LOC128462377: variants seen among roughly 807,000 people sequenced by gnomAD.
chr16:89,324,434 T>G, the LOC128462377 span: 2 of 467,426 alleles, frequency 4.3e-6, no homozygotes, highest in Non-Finnish European at 8.4e-6. Flanking sequence ...AAAACCAAGG[T>G]AAGTGTGAGG....
the LOC128462377 span, among the ~76,000 whole-genome samples, chr16:89,368,394 T>G: frequency 7.0e-6 from 1 of 141,912 alleles, no homozygotes; most frequent in African/African-American, 2.6e-5. Context: ...TTTTTTTTTT[T>G]TTTTTTTTAG....
the LOC128462377 span, among the ~76,000 whole-genome samples, chr16:89,378,845 T>G: frequency 6.6e-6 from 1 of 152,092 alleles, no homozygotes; most frequent in Non-Finnish European, 1.5e-5. Context: ...TTTATCCATG[T>G]TTTAAGGGGT....
At chr16:89,321,214 C>G in the LOC128462377 span, 3 of 152,316 alleles carry the variant, frequency 2.0e-5, no homozygotes, top group Non-Finnish European at 4.4e-5. Flanking sequence ...AGTGGTTACA[C>G]TGACTACGGC....
At chr16:89,344,745 C>T in the LOC128462377 span, among the ~76,000 whole-genome samples, 4 of 147,620 alleles carry the variant, frequency 2.7e-5, no homozygotes, top group African/African-American at 1.1e-4. Context: ...GGGAGCACAG[C>T]GGAGGGCACG....
the LOC128462377 span, among the ~76,000 whole-genome samples, chr16:89,414,121 C>A: frequency 6.6e-6 from 1 of 152,226 alleles, no homozygotes; most frequent in Non-Finnish European, 1.5e-5. Context: ...GGCGCACGAT[C>A]GCACCTGCCT....
the LOC128462377 span, among the ~76,000 whole-genome samples, chr16:89,391,957 G>A: frequency 2.0e-5 from 3 of 152,152 alleles, no homozygotes; most frequent in African/African-American, 4.8e-5. Context: ...ATTAGGTCAC[G>A]GCCTGTTCCT....
the LOC128462377 span, among the ~76,000 whole-genome samples, chr16:89,415,621 C>T: frequency 7.8e-4 from 118 of 151,260 alleles, no homozygotes; most frequent in Non-Finnish European, 1.6e-3. Flanking sequence ...GGAGAACAGG[C>T]ATTCAAGACC....
the LOC128462377 span, among the ~76,000 whole-genome samples, chr16:89,353,876 AGCAGCCTCT>A: frequency 1.3e-5 from 2 of 152,248 alleles, no homozygotes; most frequent in South Asian, 4.1e-4. Context: ...AACAAGACAG[AGCAGCCTCT>A]GCAGCCTCTC....
chr16:89,397,036 T>TA, the LOC128462377 span, among the ~76,000 whole-genome samples: 7 of 152,026 alleles, frequency 4.6e-5, no homozygotes, highest in African/African-American at 1.7e-4. Flanking sequence ...TTTTTTTTTT[T>TA]AAAGAATGTG....
the LOC128462377 span, among the ~76,000 whole-genome samples, chr16:89,345,441 T>TTCCTC: frequency 6.6e-6 from 1 of 152,178 alleles, no homozygotes; most frequent in Non-Finnish European, 1.5e-5. Flanking sequence ...GTCCCGTCCA[T>TTCCTC]TCCTCTGTCC....
chr16:89,400,114 T>C, the LOC128462377 span, among the ~76,000 whole-genome samples: 2 of 13,828 alleles, frequency 1.4e-4, no homozygotes, highest in Admixed American at 1.1e-3. Context: ...GGGACGGTCA[T>C]CTGCTGCCCC....
At chr16:89,413,670 A>C in the LOC128462377 span, among the ~76,000 whole-genome samples, 9 of 152,182 alleles carry the variant, frequency 5.9e-5, no homozygotes, top group East Asian at 1.7e-3. Flanking sequence ...AGTGGCACCT[A>C]CAAATCCCTT....
chr16:89,375,467 T>G, the LOC128462377 span, among the ~76,000 whole-genome samples: 1 of 150,724 alleles, frequency 6.6e-6, no homozygotes, highest in South Asian at 2.1e-4. Flanking sequence ...TCTATCTCTT[T>G]TTTTTTTTGG....
At chr16:89,405,197 A>T in the LOC128462377 span, among the ~76,000 whole-genome samples, 1 of 152,162 alleles carries the variant, frequency 6.6e-6, no homozygotes, top group Non-Finnish European at 1.5e-5. Context: ...CCATCTCAAA[A>T]AAATAAATAA....
chr16:89,334,519 G>C, the LOC128462377 span, among the ~76,000 whole-genome samples: 1 of 152,110 alleles, frequency 6.6e-6, no homozygotes, highest in African/African-American at 2.4e-5. Flanking sequence ...CTGGCAAAGT[G>C]ACGAGAAAAC....
At chr16:89,345,493 G>A in the LOC128462377 span, among the ~76,000 whole-genome samples, 14 of 152,234 alleles carry the variant, frequency 9.2e-5, no homozygotes, top group Non-Finnish European at 1.8e-4. Context: ...CGGAGGCAGA[G>A]ACCAGGCCCT....
At chr16:89,375,465 T>A in the LOC128462377 span, among the ~76,000 whole-genome samples, 1 of 218 alleles carries the variant, frequency 4.6e-3, no homozygotes, top group African/African-American at 0.25. Flanking sequence ...ACTCTATCTC[T>A]TTTTTTTTTT....
the LOC128462377 span, among the ~76,000 whole-genome samples, chr16:89,329,366 C>T: frequency 2.4e-4 from 36 of 152,068 alleles, no homozygotes; most frequent in Non-Finnish European, 4.3e-4. Context: ...TTTGCAACTT[C>T]CTGTGAGTCT....
the LOC128462377 span, among the ~76,000 whole-genome samples, chr16:89,356,007 G>A: frequency 3.3e-5 from 5 of 152,300 alleles, no homozygotes; most frequent in Admixed American, 1.3e-4. Flanking sequence ...GCCCCGCCCT[G>A]GGGGCTGAGG....
Sources: gnomAD v4.1 joint callset for allele counts (sites outside exome capture counted in the v4.1 genomes callset) on GRCh38, gnomAD v4.1.1 for gene constraint, MANE v1.5 for transcripts.